The following CSMD1 variants were observed in gnomAD, a reference collection of about 807,000 sequenced individuals.
The protein encoded by CSMD1 is CUB and Sushi multiple domains 1.
A neutral mutation model predicts 417.5 loss-of-function variants in CSMD1; 213 were observed. The observed-to-expected ratio is 0.51, with a 90% CI of 0.46 to 0.57. CSMD1 has a LOEUF of 0.57. CSMD1 is among the 20% of genes least tolerant of loss of function. CSMD1 has a pLI of 0.00. For synonymous variants in CSMD1, 2,862 were observed against 1,736.8 expected, an observed-to-expected ratio of 1.65 and a Z score of -16.11; for missense variants, 6,923 against 4,529.7, an observed-to-expected ratio of 1.53 and a Z score of -15.17.
At chr8:3,372,655 G>A (rs565777730) in intron 18 of CSMD1, among the ~76,000 whole-genome samples, 7 of 152,300 alleles carry the variant, frequency 4.6e-5, no homozygotes, top group Non-Finnish European at 1.0e-4. Context: ...AACTACAGGT[G>A]AAGGAGATCT....
At chr8:4,683,337 C>T (rs1312504884) in intron 1 of CSMD1, among the ~76,000 whole-genome samples, 6 of 152,062 alleles carry the variant, frequency 3.9e-5, no homozygotes, top group Non-Finnish European at 7.4e-5. Context: ...CAACTAGGTA[C>T]ACAGGCCCAT....
At chr8:4,826,915 T>A (rs1192398824) in intron 1 of CSMD1, among the ~76,000 whole-genome samples, 1 of 152,166 alleles carries the variant, frequency 6.6e-6, no homozygotes, top group Non-Finnish European at 1.5e-5. Context: ...TCTGAGCACT[T>A]ATCTAGTGCC....
chr8:3,868,343 C>G (rs999023839), intron 5 of CSMD1, among the ~76,000 whole-genome samples: 1 of 152,050 alleles, frequency 6.6e-6, no homozygotes, highest in Non-Finnish European at 1.5e-5. Context: ...TTTTTGCCTT[C>G]CTTTCTCCCT....
At chr8:4,720,545 A>C (rs537993003) in intron 1 of CSMD1, among the ~76,000 whole-genome samples, 9 of 152,050 alleles carry the variant, frequency 5.9e-5, no homozygotes, top group Non-Finnish European at 1.2e-4. Flanking sequence ...AGCCCCCTGA[A>C]TAGCTGAGAT....
At chr8:3,575,531 C>A (rs6558801) in intron 9 of CSMD1, among the ~76,000 whole-genome samples, 1 of 152,050 alleles carries the variant, frequency 6.6e-6, no homozygotes, top group Non-Finnish European at 1.5e-5. Flanking sequence ...CTTACACTGT[C>A]TGACCTCCAA....
At chr8:3,693,080 T>G (rs2129033559) in intron 7 of CSMD1, among the ~76,000 whole-genome samples, 2 of 152,298 alleles carry the variant, frequency 1.3e-5, no homozygotes, top group East Asian at 3.9e-4. Context: ...ATACATTTAT[T>G]CTAGATGTTG....
chr8:4,279,288 A>C (rs1347051907), intron 3 of CSMD1, among the ~76,000 whole-genome samples: 1 of 152,214 alleles, frequency 6.6e-6, no homozygotes, highest in Non-Finnish European at 1.5e-5. Context: ...GTAAAAAGCC[A>C]ACTGCTTCAA....
chr8:4,763,384 T>C (rs1330238944), intron 1 of CSMD1, among the ~76,000 whole-genome samples: 1 of 152,192 alleles, frequency 6.6e-6, no homozygotes, highest in African/African-American at 2.4e-5. Flanking sequence ...TTCTAGGTTT[T>C]TAGGCAGTTA....
intron 15 of CSMD1, among the ~76,000 whole-genome samples, chr8:3,403,611 A>G (rs1442263289): frequency 6.6e-6 from 1 of 152,222 alleles, no homozygotes; most frequent in Non-Finnish European, 1.5e-5. Flanking sequence ...CAATCAGCCT[A>G]TTATGGTAAA....
chr8:4,324,405 C>G (rs764430570), intron 3 of CSMD1, among the ~76,000 whole-genome samples: 5 of 152,168 alleles, frequency 3.3e-5, no homozygotes, highest in Non-Finnish European at 7.3e-5. Flanking sequence ...GGAGGGGTTC[C>G]TCACCCTGGC....
In CSMD1 at chr8:3,881,673, C is replaced by CA. The variant is rs769463785; in HGVS notation, c.818+116229dup. Among the ~76,000 whole-genome samples the CA allele has an allele frequency of 5.0e-3, 699 of 140,870 alleles. 4 individuals carry two copies. Among genetic ancestry groups the CA allele is most frequent in the East Asian group, 0.025 (120 of 4,832 alleles). The allele number at this position is 140,870 out of a possible 152,430, so 92.4% of individuals were successfully genotyped here. On this transcript the variant is annotated intron_variant, in intron 5 of 69. Coordinates refer to ENST00000635120, the MANE Select transcript of CSMD1 (RefSeq NM_033225.6). ...AAAAACCAACAACAACAAAAGAAAACAAAAAAAAACAATTTGGAAAAAAAG... is the reference window on the plus strand; with the variant it reads ...AAAAACCAACAACAACAAAAGAAAACAAAAAAAAAACAATTTGGAAAAAAAG...
intron 19 of CSMD1, among the ~76,000 whole-genome samples, chr8:3,367,873 G>T (rs1342810099): frequency 1.3e-5 from 2 of 152,158 alleles, no homozygotes; most frequent in Non-Finnish European, 2.9e-5. Flanking sequence ...GACTCTTAGG[G>T]ACAGTATTTG....
rs146477306 is a variant in CSMD1, at chr8:3,385,606, G to A, written c.2782+1888C>T. ...CTTGACTTTCAAGGGAATTTTATAA[G>A]AGTTTACTATTAATTATGGTGTTTT... On this transcript the variant is annotated intron_variant, in intron 18 of 69. Transcript: ENST00000635120. Among the ~76,000 whole-genome samples, 157 of 152,150 alleles carry A rather than the reference G, an allele frequency of 1.0e-3. 4 individuals carry two copies. The East Asian group carries it at 0.029, about 28-fold the overall frequency.
chr8:4,003,790 A>C (rs923597387), intron 4 of CSMD1, among the ~76,000 whole-genome samples: 12 of 152,142 alleles, frequency 7.9e-5, no homozygotes, highest in African/African-American at 2.9e-4. Flanking sequence ...TTAGGGTCTG[A>C]TGTCTACTGA....
At chr8:4,716,628 C>T (rs1376089705) in intron 1 of CSMD1, among the ~76,000 whole-genome samples, 1 of 152,106 alleles carries the variant, frequency 6.6e-6, no homozygotes, top group Non-Finnish European at 1.5e-5. Flanking sequence ...ACACAGGTCT[C>T]CCGAATTCCT....
chr8:4,685,511 G>A (rs187071460), intron 1 of CSMD1, among the ~76,000 whole-genome samples: 34 of 152,196 alleles, frequency 2.2e-4, no homozygotes, highest in Admixed American at 2.0e-3. Flanking sequence ...AGGAGGCGGA[G>A]GTTGCAGTGA....
chr8:4,477,687 A>C (rs1280079897), intron 2 of CSMD1, among the ~76,000 whole-genome samples: 1 of 152,186 alleles, frequency 6.6e-6, no homozygotes, highest in Non-Finnish European at 1.5e-5. Flanking sequence ...CATGTCCCCA[A>C]AGGATAGACT....
intron 3 of CSMD1, among the ~76,000 whole-genome samples, chr8:4,199,547 C>G (rs985117470): frequency 7.9e-5 from 12 of 152,150 alleles, no homozygotes; most frequent in African/African-American, 2.9e-4. Flanking sequence ...ATTGAATCCT[C>G]TCGGCTACCA....
At chr8:4,140,883 C>G (rs1028338196) in intron 3 of CSMD1, among the ~76,000 whole-genome samples, 1 of 151,016 alleles carries the variant, frequency 6.6e-6, no homozygotes, top group African/African-American at 2.5e-5. Context: ...GATTGCTGAT[C>G]GCCAATGCAC....
Sources: gnomAD v4.1 joint callset for allele counts (sites outside exome capture counted in the v4.1 genomes callset) on GRCh38, gnomAD v4.1.1 for gene constraint, MANE v1.5 for transcripts, NCBI Gene and HGNC (gene_info 2026-07-23, HGNC 2026-07-21) for gene names.